Variants in SFMBT1 observed in about 807,000 individuals in gnomAD.
SFMBT1 encodes the protein scm-like with four MBT domains protein 1.
In SFMBT1, 32 loss-of-function variants were observed where a neutral mutation model predicts 108.7. The observed-to-expected ratio is 0.29, with a 90% CI of 0.22 to 0.40. The LOEUF (loss-of-function observed/expected upper bound fraction) is 0.40, where lower values mean the gene tolerates loss of function less well. Among genes scored for constraint, SFMBT1 ranks in the 10% least tolerant of loss-of-function variants. SFMBT1 has a pLI of 1.00. For synonymous variants in SFMBT1, 348 were observed against 369.5 expected, an observed-to-expected ratio of 0.94 and a Z score of 0.67; for missense variants, 816 against 1,059.6, an observed-to-expected ratio of 0.77 and a Z score of 3.19.
At chr3:52,912,437 C>G in intron 16 of SFMBT1, 101 bp downstream of exon 16, 2 of 962,094 alleles carry the variant, frequency 2.1e-6, no homozygotes, top group East Asian at 5.4e-5. Context: ...CTCGGCCTCC[C>G]AAAGTGCTGG....
chr3:53,006,577 C>T (rs1698749861), intron 1 of SFMBT1, among the ~76,000 whole-genome samples: 1 of 150,268 alleles, frequency 6.7e-6, no homozygotes. Flanking sequence ...TGTAGTGAGC[C>T]GAGATCCTGC....
At chr3:53,029,819 G>A (rs1475073126) in intron 1 of SFMBT1, among the ~76,000 whole-genome samples, 1 of 151,998 alleles carries the variant, frequency 6.6e-6, no homozygotes, top group African/African-American at 2.4e-5. Context: ...GAGAATGGGG[G>A]TGGTAGAAGG....
At chr3:52,992,451 T>G (rs1705172234) in intron 1 of SFMBT1, among the ~76,000 whole-genome samples, 1 of 152,084 alleles carries the variant, frequency 6.6e-6, no homozygotes, top group Non-Finnish European at 1.5e-5. Flanking sequence ...CCACAAAAAT[T>G]AAAATAAAAA....
At chr3:52,961,000 A>G (rs1024195179) in intron 2 of SFMBT1, among the ~76,000 whole-genome samples, 4 of 152,174 alleles carry the variant, frequency 2.6e-5, no homozygotes, top group Admixed American at 6.5e-5. Flanking sequence ...TAAGCTGAGC[A>G]TGGTGGTGAG....
intron 10 of SFMBT1, among the ~76,000 whole-genome samples, chr3:52,923,248 A>G (rs1702568385): frequency 6.6e-6 from 1 of 152,216 alleles, no homozygotes; most frequent in Non-Finnish European, 1.5e-5. Flanking sequence ...CTGAGAGATA[A>G]GAAAAACTAT....
chr3:53,016,792 T>TA (rs1328752169), intron 1 of SFMBT1, among the ~76,000 whole-genome samples: 1 of 152,258 alleles, frequency 6.6e-6, no homozygotes, highest in East Asian at 1.9e-4. Flanking sequence ...AATGTAGTCA[T>TA]ATTTATCAAC....
chr3:52,932,439 T>A (rs1000299582), intron 5 of SFMBT1, 131 bp from the exon 6 acceptor site: 6 of 815,904 alleles, frequency 7.4e-6, no homozygotes, highest in Non-Finnish European at 1.1e-5. Flanking sequence ...CACTAAATTG[T>A]CTATCATCAT....
In SFMBT1 at chr3:52,933,417, G is replaced by T. The variant is rs534986508; in HGVS notation, c.454-1109C>A. On this transcript the variant is annotated intron_variant, in intron 5 of 20. Coordinates refer to ENST00000394752, the MANE Select transcript of SFMBT1 (RefSeq NM_016329.4). ...ATATTAAAAACTACAATAAAGAAAA[G>T]AAATTCATTATCAAGTTATCACTTA... Among the ~76,000 whole-genome samples the T allele has an allele frequency of 3.3e-5, 5 of 152,214 alleles. No individual in the cohort carries two copies. In the East Asian group the frequency reaches 5.8e-4, roughly 18 times the overall value.
intron 2 of SFMBT1, among the ~76,000 whole-genome samples, chr3:52,965,830 C>T (rs1169861295): frequency 1.3e-5 from 2 of 150,054 alleles, no homozygotes; most frequent in East Asian, 3.9e-4. Flanking sequence ...CACGGTGAAA[C>T]CCCGTCTCTA....
chr3:53,009,394 G>A lies in SFMBT1; in HGVS notation c.-131+36422C>T, dbSNP rs142396502. Reference sequence around the variant, plus strand: ...ACCCGGGAGGCAGAGATTGCAGTGAGCCGAGATCACGCCACTGCACTCCAG... The same window carrying A: ...ACCCGGGAGGCAGAGATTGCAGTGAACCGAGATCACGCCACTGCACTCCAG... On this transcript the variant is annotated intron_variant, in intron 1 of 20. Coordinates refer to ENST00000394752, the MANE Select transcript of SFMBT1 (RefSeq NM_016329.4). Among the ~76,000 whole-genome samples the A allele has an allele frequency of 1.1e-3, 174 of 152,230 alleles. 1 individual carries two copies. The highest frequency in any genetic ancestry group is 3.8e-3 in the African/African-American group (156 of 41,536).
intron 1 of SFMBT1, among the ~76,000 whole-genome samples, chr3:53,020,498 C>G (rs1199672224): frequency 6.6e-6 from 1 of 152,180 alleles, no homozygotes; most frequent in Non-Finnish European, 1.5e-5. Context: ...ATACATCAGT[C>G]AGATTTCCTG....
intron 1 of SFMBT1, among the ~76,000 whole-genome samples, chr3:52,972,627 G>T (rs893694454): frequency 6.6e-6 from 1 of 151,788 alleles, no homozygotes; most frequent in Non-Finnish European, 1.5e-5. Context: ...CTCATTTAAG[G>T]CCTGGTGAGG....
chr3:52,945,147 A>AC (rs1703322006), intron 3 of SFMBT1, among the ~76,000 whole-genome samples: 1 of 148,002 alleles, frequency 6.8e-6, no homozygotes, highest in African/African-American at 2.5e-5. Context: ...AAAAAAAAAA[A>AC]AAAACAAGGA....
At chr3:52,956,914 C>A (rs1347508759) in intron 2 of SFMBT1, among the ~76,000 whole-genome samples, 1 of 152,072 alleles carries the variant, frequency 6.6e-6, no homozygotes, top group Non-Finnish European at 1.5e-5. Flanking sequence ...AAAACTAGCA[C>A]AAGACAAGGA....
intron 1 of SFMBT1, among the ~76,000 whole-genome samples, chr3:52,985,753 C>T (rs1704883593): frequency 6.6e-6 from 1 of 152,158 alleles, no homozygotes; most frequent in Non-Finnish European, 1.5e-5. Flanking sequence ...TGCCCCTAGG[C>T]TACAAACCTG....
intron 4 of SFMBT1, among the ~76,000 whole-genome samples, chr3:52,935,240 C>A (rs911448239): frequency 1.3e-5 from 2 of 152,150 alleles, no homozygotes; most frequent in African/African-American, 4.8e-5. Context: ...ATCCTAAGTG[C>A]CCTGGCGTCA....
intron 2 of SFMBT1, among the ~76,000 whole-genome samples, chr3:52,960,421 T>C (rs190082778): frequency 1.7e-4 from 26 of 152,158 alleles, no homozygotes; most frequent in African/African-American, 6.0e-4. Flanking sequence ...ATTAGGGAAA[T>C]GCAAATCAAA....
chr3:53,033,743 C>T (rs1261573382), intron 1 of SFMBT1, among the ~76,000 whole-genome samples: 1 of 146,134 alleles, frequency 6.8e-6, no homozygotes, highest in African/African-American at 2.6e-5. Flanking sequence ...TGTATAACTA[C>T]AATGCCATTA....
intron 1 of SFMBT1, among the ~76,000 whole-genome samples, chr3:53,023,685 C>G (rs773171494): frequency 1.1e-4 from 16 of 152,158 alleles, no homozygotes; most frequent in Non-Finnish European, 2.1e-4. Context: ...CAGGTTCCTG[C>G]TTGGTTGCAG....
Sources: allele counts gnomAD v4.1 joint callset (sites outside exome capture counted in the v4.1 genomes callset), GRCh38; gene constraint gnomAD v4.1.1; transcripts MANE v1.5; gene names NCBI Gene and HGNC (gene_info 2026-07-23, HGNC 2026-07-21).